Variants in ENAH observed in about 807,000 individuals in gnomAD.
ENAH encodes protein enabled homolog.
ENAH carries 23 observed loss-of-function variants against 78.7 expected under a neutral mutation model. That is an observed-to-expected ratio of 0.29 (90% CI 0.21 to 0.41). ENAH has a LOEUF of 0.41. Among genes scored for constraint, ENAH ranks in the 10% least tolerant of loss-of-function variants. The pLI is 1.00. For missense variants in ENAH, 544 were observed against 691.0 expected (o/e 0.79, Z 2.39); for synonymous variants, 226 against 241.0 (o/e 0.94, Z 0.58).
intron 1 of ENAH, among the ~76,000 whole-genome samples, chr1:225,639,619 G>C (rs1660658575): frequency 4.0e-5 from 6 of 151,842 alleles, no homozygotes; most frequent in Admixed American, 2.6e-4. Flanking sequence ...CCTCCGAACT[G>C]TGAACCACAT....
intron 10 of ENAH, among the ~76,000 whole-genome samples, chr1:225,510,011 A>G (rs2096364012): frequency 6.6e-6 from 1 of 152,228 alleles, no homozygotes; most frequent in Admixed American, 6.5e-5. Flanking sequence ...CACACTACTT[A>G]GTATTCAACA....
intron 3 of ENAH, among the ~76,000 whole-genome samples, chr1:225,539,009 C>A (rs531553855): frequency 6.6e-6 from 1 of 152,192 alleles, no homozygotes; most frequent in Non-Finnish European, 1.5e-5. Flanking sequence ...TTACTAAGGG[C>A]ATTATTGAGT....
intron 4 of ENAH, among the ~76,000 whole-genome samples, chr1:225,521,491 A>AT (rs1194073698): frequency 6.6e-6 from 1 of 151,880 alleles, no homozygotes; most frequent in Non-Finnish European, 1.5e-5. Flanking sequence ...AATTACAAAA[A>AT]TTAGCTGGGC....
intron 1 of ENAH, among the ~76,000 whole-genome samples, chr1:225,577,987 A>C (rs897348918): frequency 1.3e-5 from 2 of 152,180 alleles, no homozygotes; most frequent in African/African-American, 4.8e-5. Flanking sequence ...TAAGTATAGA[A>C]TCTGCAAAAT....
In ENAH at chr1:225,495,614, C is replaced by T. The variant is rs2096246510; in HGVS notation, c.*2161G>A. Reference sequence around the variant, plus strand: ...TGGACCACTTGTACCCAGTACTCTACCTACTACAGACTATTTAACTTACCC... The same window carrying T: ...TGGACCACTTGTACCCAGTACTCTATCTACTACAGACTATTTAACTTACCC... On this transcript the variant is annotated 3_prime_UTR_variant, in exon 14 of 14. Transcript: ENST00000366843. The T allele has an allele frequency of 6.6e-6, 1 of 152,356 alleles. No individual in the cohort carries two copies. Among genetic ancestry groups the T allele is most frequent in the Non-Finnish European group, 1.5e-5 (1 of 67,984 alleles). 9.4% of individuals were successfully genotyped at this position (152,356 alleles called of 1,614,324 possible). A position where few individuals can be genotyped will look rare whatever the true frequency, so the allele number is the denominator to read the frequency against.
intron 1 of ENAH, among the ~76,000 whole-genome samples, chr1:225,583,808 C>CA (rs71170095): frequency 1.4e-4 from 19 of 132,782 alleles, no homozygotes; most frequent in South Asian, 7.4e-4. Flanking sequence ...ACCTCCATCT[C>CA]AAAAAAAAAA....
intron 1 of ENAH, among the ~76,000 whole-genome samples, chr1:225,572,111 C>G (rs508817): frequency 0.4 from 60,522 of 151,916 alleles, 12,382 homozygotes; most frequent in Middle Eastern, 0.5. Context: ...GGAACTGAGC[C>G]CTTAACCTAT....
chr1:225,612,687 G>A (rs1356576318), intron 1 of ENAH, among the ~76,000 whole-genome samples: 1 of 152,120 alleles, frequency 6.6e-6, no homozygotes, highest in African/African-American at 2.4e-5. Flanking sequence ...TTGGTAATTG[G>A]AACATAAACT....
chr1:225,504,330 T>C (rs1014603245), intron 11 of ENAH, among the ~76,000 whole-genome samples: 1 of 152,184 alleles, frequency 6.6e-6, no homozygotes, highest in Non-Finnish European at 1.5e-5. Flanking sequence ...TTTTTTATGA[T>C]GAGAGCGTTG....
chr1:225,616,104 C>T (rs2097030073), intron 1 of ENAH, among the ~76,000 whole-genome samples: 2 of 152,168 alleles, frequency 1.3e-5, no homozygotes, highest in Admixed American at 1.3e-4. Flanking sequence ...GCAAGATGTG[C>T]TTTGTTAAAC....
chr1:225,653,575 G>C (rs1393634610), upstream of ENAH, among the ~76,000 whole-genome samples: 1 of 152,028 alleles, frequency 6.6e-6, no homozygotes, highest in Admixed American at 6.5e-5. This position sits in a 1 kb window ranked among gnomAD's most constrained non-coding sequence, Gnocchi z 4.3. Context: ...CCGAGGCGCC[G>C]AGACCTCCTG....
At chr1:225,519,602 A>G (rs1245808523) in intron 4 of ENAH, 37 bp from the exon 5 acceptor site, 5 of 1,570,068 alleles carry the variant, frequency 3.2e-6, no homozygotes, top group Non-Finnish European at 4.3e-6. Context: ...ACATGCATCT[A>G]TGGCTACTCA....
chr1:225,618,978 A>G (rs1191716304), intron 1 of ENAH, among the ~76,000 whole-genome samples: 5 of 152,150 alleles, frequency 3.3e-5, no homozygotes, highest in Non-Finnish European at 7.4e-5. Context: ...GACCCCTACA[A>G]TGGCTTACCT....
intron 1 of ENAH, among the ~76,000 whole-genome samples, chr1:225,618,551 C>T (rs568223576): frequency 1.3e-5 from 2 of 152,166 alleles, no homozygotes; most frequent in East Asian, 1.9e-4. Context: ...TTCACTAATA[C>T]GTAGTTCACT....
chr1:225,551,363 A>G (rs888074203), intron 3 of ENAH, among the ~76,000 whole-genome samples: 1 of 152,202 alleles, frequency 6.6e-6, no homozygotes, highest in African/African-American at 2.4e-5. Flanking sequence ...AAACACACAG[A>G]GCACCTTGTA....
intron 1 of ENAH, among the ~76,000 whole-genome samples, chr1:225,643,742 C>T (rs140682456): frequency 3.0e-4 from 46 of 152,116 alleles, no homozygotes; most frequent in African/African-American, 1.1e-3. Context: ...TCAAGACCAG[C>T]CTGGGCAACA....
In ENAH at chr1:225,488,506, G is replaced by T. The variant is rs1018105983; in HGVS notation, c.*9269C>A. On this transcript the variant is annotated 3_prime_UTR_variant, in exon 14 of 14. Transcript: ENST00000366843. Reference sequence around the variant, plus strand: ...TCCTATAAATACAGACTCCAGAGAGGTTTCCTCAAAAATTAAAAAAAAAAT... The same window carrying T: ...TCCTATAAATACAGACTCCAGAGAGTTTTCCTCAAAAATTAAAAAAAAAAT... The T allele has an allele frequency of 6.6e-6, 1 of 151,960 alleles. No individual in the cohort carries two copies. The highest frequency in any genetic ancestry group is 2.4e-5 in the African/African-American group (1 of 41,336). 9.4% of individuals were successfully genotyped at this position (151,960 alleles called of 1,614,324 possible). A position where few individuals can be genotyped will look rare whatever the true frequency, so the allele number is the denominator to read the frequency against.
intron 4 of ENAH, among the ~76,000 whole-genome samples, chr1:225,522,526 C>T (rs1358890268): frequency 6.6e-6 from 1 of 152,136 alleles, no homozygotes; most frequent in Non-Finnish European, 1.5e-5. Flanking sequence ...AAATCACTAG[C>T]TGCCAAAGTT....
Position 225,490,092 on chromosome 1 carries a change from GC to G in ENAH, c.*7682del. The G allele has an allele frequency of 2.6e-5, 4 of 152,194 alleles. 1 individual carries two copies. The Middle Eastern group carries it at 0.014, about 518-fold the overall frequency. The allele number at this position is 152,194 out of a possible 1,614,324, so 9.4% of individuals were successfully genotyped here. A position where few individuals can be genotyped will look rare whatever the true frequency, so the allele number is the denominator to read the frequency against. ...AAGGCTCAGAGAGAATGACTGACTA[GC>G]CCCACAGCCTGAAAACTGGTAAAGT... On this transcript the variant is annotated 3_prime_UTR_variant, in exon 14 of 14. Coordinates refer to ENST00000366843, the MANE Select transcript of ENAH (RefSeq NM_018212.6).
Sources: allele counts gnomAD v4.1 joint callset (sites outside exome capture counted in the v4.1 genomes callset), GRCh38; gene constraint gnomAD v4.1.1; non-coding constraint Gnocchi (gnomAD v3.1); transcripts MANE v1.5; gene names NCBI Gene and HGNC (gene_info 2026-07-23, HGNC 2026-07-21).